The following GABRA5 variants were observed in gnomAD, a reference collection of about 807,000 sequenced individuals.
The protein encoded by GABRA5 is gamma-aminobutyric acid type A receptor subunit alpha5.
A neutral mutation model predicts 47.3 loss-of-function variants in GABRA5; 18 were observed. That is an observed-to-expected ratio of 0.38 (90% CI 0.26 to 0.56). GABRA5 has a LOEUF of 0.56. Ranked by LOEUF, GABRA5 falls within the 20% of genes least tolerant of loss-of-function variation. The pLI is 0.71. For synonymous variants in GABRA5, 237 were observed against 229.3 expected, an observed-to-expected ratio of 1.03 and a Z score of -0.30; for missense variants, 365 against 599.3, an observed-to-expected ratio of 0.61 and a Z score of 4.08.
chr15:26,939,072 A>G (rs1052107562), intron 8 of GABRA5, among the ~76,000 whole-genome samples: 2 of 152,102 alleles, frequency 1.3e-5, no homozygotes, highest in Admixed American at 6.5e-5. Context: ...CTCTGGCCAT[A>G]CCATCCACTC....
chr15:26,912,830 GT>G (rs1893630408), intron 6 of GABRA5, among the ~76,000 whole-genome samples: 1 of 152,212 alleles, frequency 6.6e-6, no homozygotes, highest in Non-Finnish European at 1.5e-5. Context: ...CATAAGTGAA[GT>G]GGTCGATGTT....
At chr15:26,927,097 G>T (rs1023853312) in intron 7 of GABRA5, among the ~76,000 whole-genome samples, 16 of 151,650 alleles carry the variant, frequency 1.1e-4, no homozygotes, top group African/African-American at 3.9e-4. Flanking sequence ...ATTTTTATCT[G>T]CCTGCTATTT....
At chr15:26,905,415 G>T (rs1893421874) in intron 6 of GABRA5, among the ~76,000 whole-genome samples, 1 of 151,944 alleles carries the variant, frequency 6.6e-6, no homozygotes, top group Non-Finnish European at 1.5e-5. Context: ...CTTCTCTAAA[G>T]ATTCTCTCTT....
Position 26,883,214 on chromosome 15 carries a change from C to G in GABRA5, c.257C>G (p.Pro86Arg). The G allele has an allele frequency of 6.2e-7, 1 of 1,613,858 alleles. No individual in the cohort carries two copies. The highest frequency in any genetic ancestry group is 8.5e-7 in the Non-Finnish European group (1 of 1,179,806). The change falls in exon 5 of 11, where the codon CCG becomes CGG. Residue 86 changes from proline to arginine, a missense_variant. By Grantham distance (103) the Pro-to-Arg change is moderately radical. Around this residue, in one of 3 missense-constraint regions of GABRA5, gnomAD observed 216 missense variants for 335.3 expected, o/e 0.64. Transcript: ENST00000335625. This position sits in a 1 kb window ranked among gnomAD's most constrained non-coding sequence, Gnocchi z 4.8. Reference protein sequence around the residue: ...RTDIYVTSFGPVSDTEMEYTI... With the variant: ...RTDIYVTSFGRVSDTEMEYTI... ...GACATCTACGTCACCAGCTTCGGCC[C>G]GGTGTCCGACACGGAAATGGTAGGT...
At chr15:26,871,033 A>C (rs533257576) in intron 3 of GABRA5, among the ~76,000 whole-genome samples, 1 of 152,300 alleles carries the variant, frequency 6.6e-6, no homozygotes, top group Admixed American at 6.5e-5. Flanking sequence ...ATCTCTATTA[A>C]AAATACAAAG....
intron 7 of GABRA5, among the ~76,000 whole-genome samples, chr15:26,930,970 A>G (rs1894092352): frequency 7.4e-6 from 1 of 135,480 alleles, no homozygotes; most frequent in Admixed American, 8.5e-5. Context: ...TTCTTGGCTC[A>G]CTGCAACCTC....
intron 10 of GABRA5, among the ~76,000 whole-genome samples, chr15:26,946,568 G>A (rs987314138): frequency 1.7e-4 from 26 of 151,764 alleles, no homozygotes; most frequent in African/African-American, 6.3e-4. Flanking sequence ...AGCAAAATTT[G>A]TAGTGTGAAA....
At position 26,867,105 on chromosome 15, in the gene GABRA5, G is replaced by C. The variant is rs1269644425; in HGVS notation, c.-146G>C. The C allele has an allele frequency of 2.0e-5, 3 of 152,096 alleles. No individual in the cohort carries two copies. The highest frequency in any genetic ancestry group is 4.8e-5 in the African/African-American group (2 of 41,352). The allele number at this position is 152,096 out of a possible 1,614,324, so 9.4% of individuals were successfully genotyped here. ...AGCCCAGAGACGACATGTGGCGCTC[G>C]GGCGAGGTGAGAGCGGGCGCGAGTG... On this transcript the variant is annotated 5_prime_UTR_variant, in exon 1 of 11. Coordinates refer to ENST00000335625, the MANE Select transcript of GABRA5 (RefSeq NM_000810.4). The surrounding 1 kb of genome is among the most constrained non-coding windows in gnomAD (Gnocchi z 5.9).
intron 6 of GABRA5, among the ~76,000 whole-genome samples, chr15:26,884,503 T>TA (rs942264306): frequency 9.2e-5 from 14 of 151,850 alleles, no homozygotes; most frequent in African/African-American, 1.5e-4. Flanking sequence ...AAAGTCAAGT[T>TA]AAAAAAAAGG....
At chr15:26,946,174 T>G (rs1894507064) in intron 10 of GABRA5, among the ~76,000 whole-genome samples, 2 of 152,320 alleles carry the variant, frequency 1.3e-5, no homozygotes, top group African/African-American at 4.8e-5. Context: ...CTTTTTATCT[T>G]TTCTTTATTC....
chr15:26,933,583 C>T (rs1267325239), intron 7 of GABRA5, among the ~76,000 whole-genome samples: 1 of 152,178 alleles, frequency 6.6e-6, no homozygotes, highest in Non-Finnish European at 1.5e-5. Context: ...ATAGTAACAG[C>T]ATGGTCTCTG....
chr15:26,890,047 G>T (rs775423254), intron 6 of GABRA5, among the ~76,000 whole-genome samples: 10 of 152,144 alleles, frequency 6.6e-5, no homozygotes, highest in Non-Finnish European at 1.5e-4. Context: ...GAAACTTTGT[G>T]ATATAGCACA....
chr15:26,928,185 G>C (rs1894005238), intron 7 of GABRA5, among the ~76,000 whole-genome samples: 1 of 152,176 alleles, frequency 6.6e-6, no homozygotes. Context: ...ATCCAGTAGA[G>C]AGAATTTCAG....
chr15:26,886,397 G>A (rs1046988908), intron 6 of GABRA5, among the ~76,000 whole-genome samples: 2 of 152,208 alleles, frequency 1.3e-5, no homozygotes, highest in African/African-American at 4.8e-5. Flanking sequence ...ATGGGATGGA[G>A]AGTTAGTGTC....
intron 6 of GABRA5, among the ~76,000 whole-genome samples, chr15:26,906,169 C>T (rs1378326845): frequency 6.6e-6 from 1 of 151,794 alleles, no homozygotes; most frequent in Admixed American, 6.6e-5. Context: ...TTGTTGTTTG[C>T]TTGTTTGGTG....
At chr15:26,910,493 T>C (rs935851917) in intron 6 of GABRA5, among the ~76,000 whole-genome samples, 4 of 151,378 alleles carry the variant, frequency 2.6e-5, no homozygotes, top group African/African-American at 9.7e-5. Context: ...CCAGCTACTC[T>C]GGAGGCTGGG....
chr15:26,880,548 T>C (rs1010305976), intron 3 of GABRA5: 6 of 238,036 alleles, frequency 2.5e-5, no homozygotes, highest in South Asian at 6.7e-5. Context: ...CAATGGCTAA[T>C]TGGTTGTTAA....
At chr15:26,870,719 C>T (rs564384022) in intron 3 of GABRA5, among the ~76,000 whole-genome samples, 1 of 152,312 alleles carries the variant, frequency 6.6e-6, no homozygotes, top group South Asian at 2.1e-4. Context: ...AGCCTGTAAA[C>T]TAGCATGTTC....
rs1894265986 is a variant in GABRA5, at chr15:26,937,251, C to T, written c.647C>T (p.Ala216Val). The change falls in exon 8 of 11, where the codon GCG becomes GTG. Residue 216 changes from alanine (A) to valine (V), a missense_variant. Physicochemically the swap from Ala to Val is moderately conservative, Grantham distance 64. This residue lies in a region of GABRA5 where 216 missense variants were observed against 335.3 expected (regional missense o/e 0.64). Coordinates refer to ENST00000335625, the MANE Select transcript of GABRA5 (RefSeq NM_000810.4). ...GGCTCCACCAAGTCGGTGGTGGTGG[C>T]GGAAGATGGCTCCAGACTGAACCAG... ...TNGSTKSVVV[A>V]EDGSRLNQYH... 1.9e-6 allele frequency: 3 copies of T among 1,613,900 alleles called. No individual in the cohort carries two copies. Among genetic ancestry groups the T allele is most frequent in the Non-Finnish European group, 1.7e-6 (2 of 1,179,830 alleles).
Sources: gnomAD v4.1 joint callset for allele counts (sites outside exome capture counted in the v4.1 genomes callset) on GRCh38, gnomAD v4.1.1 for gene constraint, gnomAD v4.1.1 regional missense constraint, Gnocchi (gnomAD v3.1) non-coding constraint, MANE v1.5 for transcripts, NCBI Gene and HGNC (gene_info 2026-07-23, HGNC 2026-07-21) for gene names.